Variants in FBXO11 observed in about 807,000 individuals in gnomAD.
FBXO11 encodes the protein F-box only protein 11.
Under a neutral mutation model 117.0 loss-of-function variants are expected in FBXO11, and 13 were observed. That is an observed-to-expected ratio of 0.11 (90% CI 0.07 to 0.18). FBXO11 has a LOEUF of 0.18. Ranked by LOEUF, FBXO11 falls within the 10% of genes least tolerant of loss-of-function variation. FBXO11 has a pLI of 1.00. For synonymous variants in FBXO11, 490 were observed against 380.5 expected (o/e 1.29, Z -3.35); for missense variants, 767 against 1,164.4 (o/e 0.66, Z 4.97).
chr2:47,819,690 A>G (rs955943127), intron 14 of FBXO11, among the ~76,000 whole-genome samples: 1 of 152,224 alleles, frequency 6.6e-6, no homozygotes, highest in Non-Finnish European at 1.5e-5. Flanking sequence ...CCTCTCATTT[A>G]GTAATAAATT....
intron 5 of FBXO11, 139 bp downstream of exon 5, chr2:47,835,733 G>C (rs1672511207): frequency 4.1e-6 from 2 of 490,802 alleles, no homozygotes; most frequent in Non-Finnish European, 6.7e-6. Flanking sequence ...CCTGACCTCA[G>C]GTAATCCTCC....
chr2:47,818,159 C>CATA (rs1302277472), intron 16 of FBXO11, among the ~76,000 whole-genome samples: 1 of 152,104 alleles, frequency 6.6e-6, no homozygotes, highest in Non-Finnish European at 1.5e-5. Context: ...CCATAACAGA[C>CATA]ATAATGATAA....
chr2:47,830,972 T>C (rs936361596), intron 11 of FBXO11, among the ~76,000 whole-genome samples: 5 of 152,036 alleles, frequency 3.3e-5, no homozygotes, highest in Non-Finnish European at 7.4e-5. Flanking sequence ...CTAATTTTTG[T>C]ATTTTTTGTA....
At chr2:47,868,600 T>G (rs922855112) in intron 1 of FBXO11, among the ~76,000 whole-genome samples, 1 of 152,202 alleles carries the variant, frequency 6.6e-6, no homozygotes, top group Non-Finnish European at 1.5e-5. Context: ...ATTTTTGTTT[T>G]AAAATTCCAG....
chr2:47,859,967 C>A (rs1256386427), intron 1 of FBXO11, among the ~76,000 whole-genome samples: 2 of 152,140 alleles, frequency 1.3e-5, no homozygotes, highest in African/African-American at 4.8e-5. Context: ...TCCCCCCTTT[C>A]TTGCTGTCAT....
intron 1 of FBXO11, among the ~76,000 whole-genome samples, chr2:47,840,708 C>T (rs557697784): frequency 4.6e-5 from 7 of 151,816 alleles, no homozygotes; most frequent in Middle Eastern, 3.4e-3. Flanking sequence ...CCCACCTTGG[C>T]CTCCAAAGTG....
At chr2:47,846,296 C>A (rs1284154244) in intron 1 of FBXO11, among the ~76,000 whole-genome samples, 1 of 151,938 alleles carries the variant, frequency 6.6e-6, no homozygotes, top group African/African-American at 2.4e-5. Flanking sequence ...GGAGAAACTC[C>A]GTCTCTACTA....
intron 1 of FBXO11, among the ~76,000 whole-genome samples, chr2:47,860,752 G>A (rs1468271757): frequency 6.6e-6 from 1 of 150,762 alleles, no homozygotes; most frequent in African/African-American, 2.4e-5. Flanking sequence ...TTCCCTGCAG[G>A]AGAGAGAGAG....
chr2:47,905,576 G>A lies in FBXO11; in HGVS notation c.145C>T (p.Pro49Ser), dbSNP rs1031331068. The change falls in exon 1 of 23, where the codon CCG becomes TCG. Residue 49 changes from proline (P) to serine (S), a missense_variant. Physicochemically the swap from Pro to Ser is moderately conservative, Grantham distance 74. This residue lies in a region of FBXO11 where 355 missense variants were observed against 299.8 expected (regional missense o/e 1.18). Coordinates refer to ENST00000403359, the MANE Select transcript of FBXO11 (RefSeq NM_001190274.2). ...QPPQQQPPPP[P>S]QQQQQQQPPP... is the part of the protein sequence containing the mutation. ...GGCTGCTGCTGCTGCTGCTGCTGCG[G>A]CGGCGGCGGAGGCTGCTGCTGGGGC... 9 of 1,258,328 alleles carry A rather than the reference G, an allele frequency of 7.2e-6. No individual in the cohort carries two copies. The Admixed American group carries it at 1.7e-4, about 23-fold the overall frequency. The allele number at this position is 1,258,328 out of a possible 1,614,324, so 77.9% of individuals were successfully genotyped here.
At position 47,906,066 on chromosome 2, in the gene FBXO11, C is replaced by CGCGGCG. The variant is rs533249335; in HGVS notation, c.-352_-347dup. The CGCGGCG allele has an allele frequency of 6.4e-4, 111 of 173,516 alleles. No homozygotes were observed. The highest frequency in any genetic ancestry group is 9.5e-4 in the South Asian group (10 of 10,516). 10.7% of individuals were successfully genotyped at this position (173,516 alleles called of 1,614,324 possible). On this transcript the variant is annotated 5_prime_UTR_variant, in exon 1 of 23. Coordinates refer to ENST00000403359, the MANE Select transcript of FBXO11 (RefSeq NM_001190274.2). ...GCCGCTTGGGGATCCCGAGGCGAAG[C>CGCGGCG]GCGGCGGCGGCGGCGGCGGCGGCTG... is the stretch of plus-strand genomic sequence containing the variant.
At chr2:47,870,398 T>C (rs1319404489) in intron 1 of FBXO11, among the ~76,000 whole-genome samples, 3 of 152,168 alleles carry the variant, frequency 2.0e-5, no homozygotes, top group Non-Finnish European at 4.4e-5. Flanking sequence ...CGTGGCCATA[T>C]TTGGAAATAG....
chr2:47,875,077 T>A (rs1168356592), intron 1 of FBXO11, among the ~76,000 whole-genome samples: 1 of 152,172 alleles, frequency 6.6e-6, no homozygotes, highest in African/African-American at 2.4e-5. Context: ...AATTTCACTA[T>A]CATTATTGGC....
At position 47,854,501 on chromosome 2, in the gene FBXO11, AAAATAAAT is replaced by A. The variant is rs542521269; in HGVS notation, c.233-14740_233-14733del. On this transcript the variant is annotated intron_variant, in intron 1 of 22. Transcript: ENST00000403359. Reference sequence around the variant, plus strand: ...ACTGGGGGGTAAAGTGAATAAAATAAAAATAAATAAATAAATAAATAATAGAAAACAGA... The same window carrying A: ...ACTGGGGGGTAAAGTGAATAAAATAAAAATAAATAAATAATAGAAAACAGA... Among the ~76,000 whole-genome samples, 6 of 152,032 alleles carry A rather than the reference AAAATAAAT, an allele frequency of 3.9e-5. No homozygotes were observed. The South Asian group carries it at 1.0e-3, about 26-fold the overall frequency.
intron 13 of FBXO11, among the ~76,000 whole-genome samples, chr2:47,820,962 G>C (rs1343520153): frequency 6.6e-6 from 1 of 152,178 alleles, no homozygotes; most frequent in Non-Finnish European, 1.5e-5. Context: ...CTGATTGTTT[G>C]CTGATTTAAT....
intron 1 of FBXO11, among the ~76,000 whole-genome samples, chr2:47,845,394 A>T (rs1673327388): frequency 6.6e-6 from 1 of 152,090 alleles, no homozygotes; most frequent in Admixed American, 6.6e-5. Context: ...ACTGTTTTGA[A>T]CTCTGCGCTG....
At chr2:47,900,548 G>GTACACGTA (rs1237259230) in intron 1 of FBXO11, among the ~76,000 whole-genome samples, 8 of 122,688 alleles carry the variant, frequency 6.5e-5, no homozygotes, top group African/African-American at 1.7e-4. Context: ...CGAGAAAAAA[G>GTACACGTA]TATATACACG....
chr2:47,857,287 T>G (rs1444189255), intron 1 of FBXO11, among the ~76,000 whole-genome samples: 1 of 152,090 alleles, frequency 6.6e-6, no homozygotes, highest in East Asian at 1.9e-4. Flanking sequence ...AGAAGGTATT[T>G]TTTTTTTTAA....
At chr2:47,849,228 A>G (rs929581875) in intron 1 of FBXO11, among the ~76,000 whole-genome samples, 6 of 152,254 alleles carry the variant, frequency 3.9e-5, no homozygotes, top group Non-Finnish European at 7.3e-5. Flanking sequence ...CTTAAAATTT[A>G]AATATTTTAT....
At chr2:47,854,907 C>T (rs1270355089) in intron 1 of FBXO11, among the ~76,000 whole-genome samples, 1 of 145,804 alleles carries the variant, frequency 6.9e-6, no homozygotes, top group Admixed American at 6.9e-5. Flanking sequence ...TTGTAACATT[C>T]ATCAAACCTT....
Sources: gnomAD v4.1 joint callset for allele counts (sites outside exome capture counted in the v4.1 genomes callset) on GRCh38, gnomAD v4.1.1 for gene constraint, gnomAD v4.1.1 regional missense constraint, MANE v1.5 for transcripts, NCBI Gene and HGNC (gene_info 2026-07-23, HGNC 2026-07-21) for gene names.